ITGAV: variants seen among roughly 807,000 people sequenced by gnomAD.
The protein encoded by ITGAV is integrin alpha-V.
A neutral mutation model predicts 143.8 loss-of-function variants in ITGAV; 76 were observed. The ratio of observed to expected loss-of-function variants is 0.53; its 90% confidence interval spans 0.44 to 0.64. ITGAV has a LOEUF of 0.64. Among genes scored for constraint, ITGAV ranks in the 30% least tolerant of loss-of-function variants. The pLI, the probability that ITGAV is intolerant of heterozygous loss-of-function variation, is 0.00. For missense variants in ITGAV, 1,193 were observed against 1,274.7 expected, an observed-to-expected ratio of 0.94 and a Z score of 0.98; for synonymous variants, 453 against 446.7, an observed-to-expected ratio of 1.01 and a Z score of -0.18.
At chr2:186,659,279 T>G in intron 18 of ITGAV, 104 bp downstream of exon 18, 6 of 778,730 alleles carry the variant, frequency 7.7e-6, no homozygotes, top group Non-Finnish European at 9.1e-6. Flanking sequence ...TGATAGATGT[T>G]TAGTCAAAGT....
chr2:186,600,154 G>A, intron 1 of ITGAV: 1 of 553,184 alleles, frequency 1.8e-6, no homozygotes, highest in East Asian at 3.0e-5. Flanking sequence ...CAGGCTCCTT[G>A]ACCTTATCTT....
rs141095012 is a variant in ITGAV, at chr2:186,669,742, C to T, written c.2634C>T (p.Ala878=). ...CAACTGAAAAGAATGACACGGTTGC[C>T]GGGCAAGGTGAGCGGGACCATCTCA... ...LQTTEKNDTV[A]GQGERDHLIT... Residue 878 remains alanine, a synonymous_variant, in exon 26 of 30, where the codon GCC becomes GCT. Coordinates refer to ENST00000261023, the MANE Select transcript of ITGAV (RefSeq NM_002210.5). 2.1e-5 allele frequency: 34 copies of T among 1,613,978 alleles called. No homozygotes were observed. Among genetic ancestry groups the T allele is most frequent in the African/African-American group, 1.6e-4 (12 of 75,002 alleles).
chr2:186,678,745 A>G lies in ITGAV; in HGVS notation c.*1453A>G, dbSNP rs1689279969. The G allele has an allele frequency of 4.4e-6, 2 of 455,758 alleles. No individual in the cohort carries two copies. The highest frequency in any genetic ancestry group is 2.4e-5 in the Admixed American group (1 of 42,522). The allele number at this position is 455,758 out of a possible 1,614,324, so 28.2% of individuals were successfully genotyped here. ...GTTATACCTATTTTTGTGCAATTAC[A>G]TCATGTTGTACATTAGAAATGGAGA... On this transcript the variant is annotated 3_prime_UTR_variant, in exon 30 of 30. Coordinates refer to ENST00000261023, the MANE Select transcript of ITGAV (RefSeq NM_002210.5).
chr2:186,673,099 G>A (rs542398530), intron 26 of ITGAV, among the ~76,000 whole-genome samples: 1 of 152,290 alleles, frequency 6.6e-6, no homozygotes, highest in Admixed American at 6.5e-5. Context: ...TTATGTGTAT[G>A]GTGTGAGGTA....
In ITGAV at chr2:186,677,318, C is replaced by T. The variant is rs1689242944; in HGVS notation, c.*26C>T. Reference sequence around the variant, plus strand: ...CTGCAGTTTTTAAGTTATGCTACATCTTGACCCACTAGAATTAGCAACTTT... The same window carrying T: ...CTGCAGTTTTTAAGTTATGCTACATTTTGACCCACTAGAATTAGCAACTTT... On this transcript the variant is annotated 3_prime_UTR_variant, in exon 30 of 30. Coordinates refer to ENST00000261023, the MANE Select transcript of ITGAV (RefSeq NM_002210.5). 1 of 1,536,794 alleles carries T rather than the reference C, an allele frequency of 6.5e-7. No individual in the cohort carries two copies. Among genetic ancestry groups the T allele is most frequent in the African/African-American group, 1.4e-5 (1 of 73,014 alleles).
chr2:186,643,016 A>G (rs1369743130), intron 12 of ITGAV, among the ~76,000 whole-genome samples: 1 of 152,186 alleles, frequency 6.6e-6, no homozygotes, highest in Non-Finnish European at 1.5e-5. Flanking sequence ...AATCATAACA[A>G]AAGCTACATA....
chr2:186,602,099 A>G lies in ITGAV; in HGVS notation c.264A>G (p.Lys88=). The change falls in exon 2 of 30, where the codon AAA becomes AAG. Residue 88 remains lysine, a synonymous_variant. Coordinates refer to ENST00000261023, the MANE Select transcript of ITGAV (RefSeq NM_002210.5). The stretch of plus-strand genomic sequence containing the variant: ...TTGTGGAAGGAGGGCAGGTCCTCAA[A>G]TGTGACTGGTCTTCTACCCGCCGGT... ...PGIVEGGQVL[K]CDWSSTRRCQ... 6.2e-7 allele frequency: 1 copy of G among 1,613,642 alleles called. No homozygotes were observed. The highest frequency in any genetic ancestry group is 8.5e-7 in the Non-Finnish European group (1 of 1,179,718).
chr2:186,590,334 C>G lies in ITGAV; in HGVS notation c.-5C>G. On this transcript the variant is annotated 5_prime_UTR_variant, in exon 1 of 30. Transcript: ENST00000261023. ...CCGGCTTGGCGTCCCGCGCGCACTT[C>G]GGCGATGGCTTTTCCGCCGCGGCGA... The G allele has an allele frequency of 6.4e-6, 10 of 1,573,376 alleles. No homozygotes were observed. Among genetic ancestry groups the G allele is most frequent in the Non-Finnish European group, 8.6e-6 (10 of 1,162,946 alleles).
intron 17 of ITGAV, among the ~76,000 whole-genome samples, chr2:186,657,693 G>A (rs1688628951): frequency 6.6e-6 from 1 of 152,142 alleles, no homozygotes; most frequent in Admixed American, 6.5e-5. Context: ...GGACATTACA[G>A]ATAAGGGAGG....
At chr2:186,673,155 G>A (rs1689112948) in intron 26 of ITGAV, among the ~76,000 whole-genome samples, 1 of 152,212 alleles carries the variant, frequency 6.6e-6, no homozygotes, top group African/African-American at 2.4e-5. Flanking sequence ...ACCTGTCTGA[G>A]CAACATTTGT....
intron 14 of ITGAV, among the ~76,000 whole-genome samples, chr2:186,650,400 A>C (rs986860839): frequency 6.6e-6 from 1 of 151,894 alleles, no homozygotes; most frequent in Non-Finnish European, 1.5e-5. Flanking sequence ...GGGTTTTGCC[A>C]TGTTGGCCAA....
At chr2:186,672,465 C>T (rs996511879) in intron 26 of ITGAV, among the ~76,000 whole-genome samples, 1 of 152,132 alleles carries the variant, frequency 6.6e-6, no homozygotes, top group African/African-American at 2.4e-5. Flanking sequence ...CATGTGGAAA[C>T]TCTATGTTTA....
At position 186,656,303 on chromosome 2, in the gene ITGAV, G is replaced by A; in HGVS notation, c.1621G>A (p.Ala541Thr). 3 of 1,587,528 alleles carry A rather than the reference G, an allele frequency of 1.9e-6. No homozygotes were observed. Among genetic ancestry groups the A allele is most frequent in the Non-Finnish European group, 2.6e-6 (3 of 1,170,498 alleles). Residue 541 changes from alanine to threonine, a missense_variant, in exon 17 of 30, where the codon GCA becomes ACA. Physicochemically the swap from Ala to Thr is moderately conservative, Grantham distance 58. Coordinates refer to ENST00000261023, the MANE Select transcript of ITGAV (RefSeq NM_002210.5). ...CAAGCAAAAGGGAGCAATTCGACGA[G>A]CACTGTTTCTCTACAGCAGGTCCCC... The part of the protein sequence containing the change: ...KLKQKGAIRR[A>T]LFLYSRSPSH...
intron 2 of ITGAV, among the ~76,000 whole-genome samples, chr2:186,608,011 T>TG (rs764194299): frequency 3.9e-5 from 6 of 152,128 alleles, no homozygotes; most frequent in Non-Finnish European, 7.4e-5. Context: ...ATATCATTTC[T>TG]GGGGGGCAAG....
At chr2:186,632,932 A>T (rs181830745) in intron 5 of ITGAV, among the ~76,000 whole-genome samples, 60 of 152,132 alleles carry the variant, frequency 3.9e-4, no homozygotes, top group African/African-American at 1.4e-3. Flanking sequence ...AAACCACTGA[A>T]ACTGAGTTAG....
intron 2 of ITGAV, among the ~76,000 whole-genome samples, chr2:186,604,819 T>A (rs918392066): frequency 6.6e-6 from 1 of 152,234 alleles, no homozygotes; most frequent in African/African-American, 2.4e-5. Context: ...TTGTGATTTT[T>A]AAAAAATGAA....
chr2:186,649,869 C>A lies in ITGAV; in HGVS notation c.1381C>A (p.Arg461=). 3 of 1,568,662 alleles carry A rather than the reference C, an allele frequency of 1.9e-6. No individual in the cohort carries two copies. The highest frequency in any genetic ancestry group is 2.6e-6 in the Non-Finnish European group (3 of 1,157,236). The change falls in exon 14 of 30, where the codon CGA becomes AGA. Residue 461 remains arginine, a synonymous_variant. Transcript: ENST00000261023. Reference sequence around the variant, plus strand: ...AATTGTAGGAGCTTTTGGTGTAGATCGAGCTATCTTATACAGGTGAGCATT... The same window carrying A: ...AATTGTAGGAGCTTTTGGTGTAGATAGAGCTATCTTATACAGGTGAGCATT... ...DLIVGAFGVD[R]AILYRARPVI...
intron 2 of ITGAV, among the ~76,000 whole-genome samples, chr2:186,612,486 C>G (rs937218323): frequency 1.3e-5 from 2 of 151,958 alleles, no homozygotes; most frequent in African/African-American, 4.8e-5. Context: ...GATTACTCTT[C>G]TTCCTACCCA....
intron 1 of ITGAV, among the ~76,000 whole-genome samples, chr2:186,599,447 C>G (rs928706473): frequency 1.3e-5 from 2 of 152,152 alleles, no homozygotes; most frequent in Non-Finnish European, 2.9e-5. Flanking sequence ...CTCAAACAAA[C>G]ATATTAATAA....
Sources: gnomAD v4.1 joint callset for allele counts (sites outside exome capture counted in the v4.1 genomes callset) on GRCh38, gnomAD v4.1.1 for gene constraint, MANE v1.5 for transcripts, NCBI Gene and HGNC (gene_info 2026-07-23, HGNC 2026-07-21) for gene names.